PDZRN4: variants seen among roughly 807,000 people sequenced by gnomAD.
The protein encoded by PDZRN4 is PDZ domain containing ring finger 4, also known as PDZ domain-containing RING finger protein 4.
In PDZRN4, 70 loss-of-function variants were observed where a neutral mutation model predicts 99.0. The observed-to-expected ratio is 0.71, with a 90% CI of 0.58 to 0.86. PDZRN4 has a LOEUF of 0.86. Among genes scored for constraint, PDZRN4 ranks in the 40% least tolerant of loss-of-function variants. The pLI is 0.00. For missense variants in PDZRN4, 1,474 were observed against 1,331.2 expected, an observed-to-expected ratio of 1.11 and a Z score of -1.67; for synonymous variants, 551 against 501.6, an observed-to-expected ratio of 1.10 and a Z score of -1.32.
intron 3 of PDZRN4, among the ~76,000 whole-genome samples, chr12:41,484,311 A>C (rs1295064390): frequency 1.3e-5 from 2 of 152,222 alleles, no homozygotes; most frequent in African/African-American, 4.8e-5. Flanking sequence ...TGCAGGATTG[A>C]AAACATTATT....
chr12:41,235,647 A>G (rs989111488), intron 3 of PDZRN4, among the ~76,000 whole-genome samples: 8 of 152,180 alleles, frequency 5.3e-5, no homozygotes, highest in African/African-American at 1.7e-4. Context: ...CTAAATTTAG[A>G]TGTAAAACAT....
chr12:41,213,944 A>T lies in PDZRN4; in HGVS notation c.843+19756A>T, dbSNP rs572803216. ...CCTAAAATAAGGATAATAACCTCAG[A>T]GTTGTTATCAAGATTAAATGAGTTA... On this transcript the variant is annotated intron_variant, in intron 3 of 9. Coordinates refer to ENST00000402685, the MANE Select transcript of PDZRN4 (RefSeq NM_001164595.2). Among the ~76,000 whole-genome samples the T allele has an allele frequency of 1.1e-4, 17 of 152,078 alleles. No individual in the cohort carries two copies. In the South Asian group the frequency reaches 3.5e-3, roughly 31 times the overall value.
chr12:41,280,534 G>A lies in PDZRN4; in HGVS notation c.843+86346G>A, dbSNP rs536631905. On this transcript the variant is annotated intron_variant, in intron 3 of 9. Transcript: ENST00000402685. The stretch of plus-strand genomic sequence containing the variant: ...ACACTCGAGCTTGGTGCGGGGAGGG[G>A]CGTCCGCATTACTGAGGCTTAATTA... 9.7e-4 allele frequency among the ~76,000 whole-genome samples: 147 copies of A among 152,252 alleles called. 1 individual carries two copies. The highest frequency in any genetic ancestry group is 3.4e-3 in the African/African-American group (143 of 41,540).
At chr12:41,531,318 C>T (rs956157101) in intron 5 of PDZRN4, among the ~76,000 whole-genome samples, 8 of 152,148 alleles carry the variant, frequency 5.3e-5, no homozygotes, top group Non-Finnish European at 1.2e-4. Flanking sequence ...AGCCAAACTC[C>T]ACGTCATTCC....
chr12:41,226,566 A>G (rs780532813), intron 3 of PDZRN4, among the ~76,000 whole-genome samples: 1 of 151,992 alleles, frequency 6.6e-6, no homozygotes, highest in Non-Finnish European at 1.5e-5. Flanking sequence ...AAAAAAAATG[A>G]ACGTAAGGAA....
intron 8 of PDZRN4, 84 bp downstream of exon 8, chr12:41,563,733 C>A: frequency 1.1e-6 from 1 of 880,882 alleles, no homozygotes; most frequent in Non-Finnish European, 1.8e-6. Context: ...GAATTATATT[C>A]ATTATCTGCT....
intron 3 of PDZRN4, among the ~76,000 whole-genome samples, chr12:41,208,489 T>G (rs1421591222): frequency 6.6e-6 from 1 of 151,972 alleles, no homozygotes; most frequent in African/African-American, 2.4e-5. Context: ...TGTCAATTAT[T>G]TTAATCTTTG....
At chr12:41,477,706 G>T (rs553735049) in intron 3 of PDZRN4, among the ~76,000 whole-genome samples, 2 of 152,074 alleles carry the variant, frequency 1.3e-5, no homozygotes, top group East Asian at 3.9e-4. Flanking sequence ...ATAAATGATG[G>T]TTATTTGGTG....
At chr12:41,282,431 T>G (rs1951393437) in intron 3 of PDZRN4, among the ~76,000 whole-genome samples, 1 of 152,148 alleles carries the variant, frequency 6.6e-6, no homozygotes, top group Admixed American at 6.5e-5. Flanking sequence ...GGGGAGATTT[T>G]AACACCCCAC....
chr12:41,294,385 T>C (rs1399522540), intron 3 of PDZRN4, among the ~76,000 whole-genome samples: 1 of 152,140 alleles, frequency 6.6e-6, no homozygotes, highest in Non-Finnish European at 1.5e-5. Context: ...CTTGCCTCTT[T>C]CTTAAGAAGA....
chr12:41,340,269 T>C (rs903157623), intron 3 of PDZRN4, among the ~76,000 whole-genome samples: 1 of 151,998 alleles, frequency 6.6e-6, no homozygotes, highest in Non-Finnish European at 1.5e-5. Context: ...GATTCTGTCA[T>C]TTGCAACAAC....
At chr12:41,265,703 G>C (rs1008597455) in intron 3 of PDZRN4, among the ~76,000 whole-genome samples, 3 of 152,272 alleles carry the variant, frequency 2.0e-5, no homozygotes, top group South Asian at 2.1e-4. Context: ...TTCTTAGCCA[G>C]ATGCATGTAC....
intron 3 of PDZRN4, among the ~76,000 whole-genome samples, chr12:41,334,863 A>T (rs1951763024): frequency 6.6e-6 from 1 of 151,484 alleles, no homozygotes. Flanking sequence ...TTGTAATAAG[A>T]TTTTTTTTTC....
intron 7 of PDZRN4, among the ~76,000 whole-genome samples, chr12:41,560,540 G>A (rs1326838309): frequency 6.6e-6 from 1 of 152,096 alleles, no homozygotes; most frequent in Non-Finnish European, 1.5e-5. Flanking sequence ...AAACTTACCT[G>A]CTGTCTTTCT....
chr12:41,389,083 T>A (rs972677855), intron 3 of PDZRN4, among the ~76,000 whole-genome samples: 2 of 152,134 alleles, frequency 1.3e-5, no homozygotes, highest in Non-Finnish European at 2.9e-5. Flanking sequence ...TAGTTAAATG[T>A]CTCTGCAGGT....
rs760730585 is a variant in PDZRN4, at chr12:41,506,730, C to A, written c.1100+18C>A. On this transcript the variant is annotated intron_variant, in intron 4 of 9. Transcript: ENST00000402685. The stretch of plus-strand genomic sequence containing the variant: ...TCAGACAGGTATTTTTCTATCATTT[C>A]TTCCAAAGCCCTGTTTGTTTCCATT... The A allele has an allele frequency of 2.3e-5, 36 of 1,588,190 alleles. No individual in the cohort carries two copies. Among genetic ancestry groups the A allele is most frequent in the Non-Finnish European group, 3.1e-5 (36 of 1,165,958 alleles).
At chr12:41,443,987 T>C (rs888226802) in intron 3 of PDZRN4, among the ~76,000 whole-genome samples, 1 of 151,638 alleles carries the variant, frequency 6.6e-6, no homozygotes, top group African/African-American at 2.4e-5. Context: ...AACAGGCCAA[T>C]AAGAAGAAAG....
chr12:41,324,892 AC>A (rs1171605131), intron 3 of PDZRN4, among the ~76,000 whole-genome samples: 1 of 152,080 alleles, frequency 6.6e-6, no homozygotes, highest in African/African-American at 2.4e-5. Flanking sequence ...ATTAACTCCA[AC>A]TGTTCCCTGC....
intron 3 of PDZRN4, among the ~76,000 whole-genome samples, chr12:41,403,799 C>T (rs1952321800): frequency 6.6e-6 from 1 of 152,080 alleles, no homozygotes; most frequent in African/African-American, 2.4e-5. Context: ...TTGTTAATTA[C>T]TTTTTAGTAC....
Sources: gnomAD v4.1 joint callset for allele counts (sites outside exome capture counted in the v4.1 genomes callset) on GRCh38, gnomAD v4.1.1 for gene constraint, MANE v1.5 for transcripts, NCBI Gene and HGNC (gene_info 2026-07-23, HGNC 2026-07-21) for gene names.